TMEM74B: variants seen among roughly 807,000 people sequenced by gnomAD.
The protein encoded by TMEM74B is transmembrane protein 74B, also known as transmembrane protein C20orf46.
A neutral mutation model predicts 6.5 loss-of-function variants in TMEM74B; 7 were observed. The ratio of observed to expected loss-of-function variants is 1.07; its 90% confidence interval spans 0.61 to 2.01. The LOEUF (loss-of-function observed/expected upper bound fraction) is 2.01. Ranked by LOEUF, TMEM74B falls within the 30% of genes most tolerant of loss-of-function variation. The probability of loss-of-function intolerance (pLI) is 0.00; values close to 1 mark genes in which losing one functional copy is unlikely to be tolerated. For missense variants in TMEM74B, 342 were observed against 337.0 expected (o/e 1.01, Z -0.12); for synonymous variants, 151 against 151.6 (o/e 1.00, Z 0.03).
upstream of TMEM74B, among the ~76,000 whole-genome samples, chr20:1,187,345 C>T (rs1308038224): frequency 6.6e-6 from 1 of 152,072 alleles, no homozygotes; most frequent in Non-Finnish European, 1.5e-5. Context: ...CTGCAGTATC[C>T]CCAGACACTA....
intron 2 of TMEM74B, among the ~76,000 whole-genome samples, chr20:1,182,785 C>T (rs1040934649): frequency 2.0e-5 from 3 of 152,040 alleles, no homozygotes; most frequent in African/African-American, 4.8e-5. Flanking sequence ...ACTTACAGCC[C>T]GGGGACCATA....
chr20:1,183,675 T>G, intron 2 of TMEM74B, 96 bp downstream of exon 2: 2 of 1,478,152 alleles, frequency 1.4e-6, no homozygotes, highest in Non-Finnish European at 1.9e-6. Flanking sequence ...ACTGTCTCTA[T>G]TTCATAAAAC....
chr20:1,181,221 C>G lies in TMEM74B; in HGVS notation c.398G>C (p.Gly133Ala), dbSNP rs1241741843. The change falls in exon 3 of 3, where the codon GGG becomes GCG. Residue 133 changes from glycine to alanine, a missense_variant. Gly to Ala is a moderately conservative substitution (Grantham distance 60, BLOSUM62 0). Transcript: ENST00000429036. The surrounding 1 kb of genome is among the most constrained non-coding windows in gnomAD (Gnocchi z 4.9). ...FVSALVFLVS[G>A]ILLVVTAYAI... Reference sequence around the variant, plus strand: ...GTATGCTGTCACCACCAGAAGAATCCCACTCACCAGGAAAACGAGGGCGGA... The same window carrying G: ...GTATGCTGTCACCACCAGAAGAATCGCACTCACCAGGAAAACGAGGGCGGA... 6.2e-7 allele frequency: 1 copy of G among 1,614,158 alleles called. No individual in the cohort carries two copies. The highest frequency in any genetic ancestry group is 1.7e-5 in the Admixed American group (1 of 60,022).
Position 1,181,558 on chromosome 20 carries a change from GC to G in TMEM74B, c.60del (p.Ser22ProfsTer12). On this transcript the variant is annotated frameshift_variant, in exon 3 of 3. Transcript: ENST00000429036. LOFTEE classifies it high-confidence loss of function. The surrounding 1 kb of genome is among the most constrained non-coding windows in gnomAD (Gnocchi z 4.9). ...GGGGGAGATGCCATTGGGAAGGAGG[GC>G]CCCAGCTCATCCCTTGGCCCCTTGG... ...AAAKGPRDEL[G>X]PSFPMASPPG... The G allele has an allele frequency of 6.8e-7, 1 of 1,472,536 alleles. No homozygotes were observed. 91.2% of individuals were successfully genotyped at this position (1,472,536 alleles called of 1,614,324 possible). A position where few individuals can be genotyped will look rare whatever the true frequency, so the allele number is the denominator to read the frequency against.
Position 1,180,802 on chromosome 20 carries a change from C to T in TMEM74B, c.*46G>A, listed in dbSNP as rs1600186850. ...CAGGTGGGCGGGAGCAGGGGGTGGA[C>T]CTTGTAGCACTGGAGCTAAAGCAGC... On this transcript the variant is annotated 3_prime_UTR_variant, in exon 3 of 3. Coordinates refer to ENST00000429036, the MANE Select transcript of TMEM74B (RefSeq NM_001304748.2). This position sits in a 1 kb window ranked among gnomAD's most constrained non-coding sequence, Gnocchi z 6.1. The T allele has an allele frequency of 6.6e-7, 1 of 1,525,588 alleles. No individual in the cohort carries two copies. The highest frequency in any genetic ancestry group is 8.8e-7 in the Non-Finnish European group (1 of 1,136,016). 94.5% of individuals were successfully genotyped at this position (1,525,588 alleles called of 1,614,324 possible).
chr20:1,188,699 G>A (rs190211354), upstream of TMEM74B, among the ~76,000 whole-genome samples: 403 of 152,134 alleles, frequency 2.6e-3, 6 homozygotes, highest in African/African-American at 9.2e-3. Flanking sequence ...GGGGGTAGGA[G>A]CTAACTGAAA....
chr20:1,185,101 C>G (rs2086986774), upstream of TMEM74B: 1 of 152,234 alleles, frequency 6.6e-6, no homozygotes, highest in African/African-American at 2.4e-5. Context: ...CCCTCGGCCT[C>G]CTGCCGCCCC....
Position 1,181,101 on chromosome 20 carries a change from A to G in TMEM74B, c.518T>C (p.Leu173Pro), listed in dbSNP as rs762463685. 2 of 1,614,000 alleles carry G rather than the reference A, an allele frequency of 1.2e-6. No homozygotes were observed. Among genetic ancestry groups the G allele is most frequent in the Admixed American group, 3.3e-5 (2 of 60,020 alleles). The change falls in exon 3 of 3, where the codon CTG (leucine) becomes CCG (proline). Residue 173 changes from leucine to proline, a missense_variant. Leu to Pro is a moderately conservative substitution (Grantham distance 98, BLOSUM62 -3). Coordinates refer to ENST00000429036, the MANE Select transcript of TMEM74B (RefSeq NM_001304748.2). This position sits in a 1 kb window ranked among gnomAD's most constrained non-coding sequence, Gnocchi z 4.9. ...GAGGCCTGCGATGATGCACCTGTCC[A>G]GGTGGGAGCCTAGGCGGGCGTAGTA... ...EMYYARLGSHLDRCIIAGLGL... is the reference protein window; with the variant it reads ...EMYYARLGSHPDRCIIAGLGL...
Position 1,180,978 on chromosome 20 carries a change from T to C in TMEM74B, c.641A>G (p.Lys214Arg). 6.2e-7 allele frequency: 1 copy of C among 1,614,116 alleles called. No individual in the cohort carries two copies. ...LYRRRTFVPG[K>R]GSRKTYGSIN... ...GGAGCCGTAGGTCTTCCTGGAGCCC[T>C]TGCCGGGGACGAAGGTCCTCCGGCG... is the stretch of plus-strand genomic sequence containing the variant. The change falls in exon 3 of 3, where the codon AAG (lysine) becomes AGG (arginine). Residue 214 changes from lysine (K) to arginine (R), a missense_variant. By Grantham distance (26) the Lys-to-Arg change is conservative. Transcript: ENST00000429036. The surrounding 1 kb of genome is among the most constrained non-coding windows in gnomAD (Gnocchi z 6.1).
At chr20:1,187,847 C>T (rs1365864745), upstream of TMEM74B, among the ~76,000 whole-genome samples, 2 of 152,128 alleles carry the variant, frequency 1.3e-5, no homozygotes, top group African/African-American at 2.4e-5. Context: ...GCCTTACAGG[C>T]CAAGTAATTT....
chr20:1,181,193 G>A lies in TMEM74B; in HGVS notation c.426C>T (p.Ala142=). 6.2e-7 allele frequency: 1 copy of A among 1,614,190 alleles called. No homozygotes were observed. The highest frequency in any genetic ancestry group is 8.5e-7 in the Non-Finnish European group (1 of 1,180,036). ...GATTGACTCGAGCCTCACGGGGGATGGCGTATGCTGTCACCACCAGAAGAA... is the reference window on the plus strand; with the variant it reads ...GATTGACTCGAGCCTCACGGGGGATAGCGTATGCTGTCACCACCAGAAGAA... ...SGILLVVTAY[A]IPREARVNPD... The change falls in exon 3 of 3, where the codon GCC becomes GCT. Residue 142 remains alanine, a synonymous_variant. Transcript: ENST00000429036. The surrounding 1 kb of genome is among the most constrained non-coding windows in gnomAD (Gnocchi z 4.9).
In TMEM74B at chr20:1,181,270, G is replaced by A. The variant is rs199583973; in HGVS notation, c.349C>T (p.Arg117Cys). 49 of 1,613,684 alleles carry A rather than the reference G, an allele frequency of 3.0e-5. No individual in the cohort carries two copies. The highest frequency in any genetic ancestry group is 4.2e-6 in the Non-Finnish European group (5 of 1,179,872). Residue 117 changes from arginine (R) to cysteine (C), a missense_variant, in exon 3 of 3, where the codon CGC (arginine) becomes TGC (cysteine). Arg to Cys is a radical substitution (Grantham distance 180). Transcript: ENST00000429036. The surrounding 1 kb of genome is among the most constrained non-coding windows in gnomAD (Gnocchi z 4.9). The part of the protein sequence containing the change: ...EEGPALEPVS[R>C]PVDYGFVSAL... ...GAAACAAAGCCATAATCCACCGGGC[G>A]GCTCACGGGCTCCAGGGCTGGCCCC...
chr20:1,186,948 C>T (rs1194970991), upstream of TMEM74B, among the ~76,000 whole-genome samples: 2 of 152,218 alleles, frequency 1.3e-5, no homozygotes, highest in East Asian at 3.8e-4. Flanking sequence ...TCGGTTTCCT[C>T]CTCTGTGAAA....
rs767248813 is a variant in TMEM74B, at chr20:1,180,905, C to T, written c.714G>A (p.Leu238=). ...RQLNGDGGQA[L]VENEVVQVSE... ...AGACCTGGACAACTTCATTCTCCAC[C>T]AGGGCCTGGCCCCCATCCCCATTGA... Residue 238 remains leucine, a synonymous_variant, in exon 3 of 3, where the codon CTG becomes CTA. Coordinates refer to ENST00000429036, the MANE Select transcript of TMEM74B (RefSeq NM_001304748.2). The surrounding 1 kb of genome is among the most constrained non-coding windows in gnomAD (Gnocchi z 6.1). The T allele has an allele frequency of 1.9e-6, 3 of 1,612,590 alleles. No homozygotes were observed. The highest frequency in any genetic ancestry group is 2.5e-6 in the Non-Finnish European group (3 of 1,179,004).
chr20:1,181,742 A>G lies in TMEM74B; in HGVS notation c.32-155T>C, dbSNP rs2086876052. Among the ~76,000 whole-genome samples, 1 of 152,178 alleles carries G rather than the reference A, an allele frequency of 6.6e-6. No homozygotes were observed. The highest frequency in any genetic ancestry group is 1.5e-5 in the Non-Finnish European group (1 of 68,022). ...GGGGAAGACAGGGAATAAGACGATGACAGAACAGTGTGATCCAAGCCCAGA... is the reference window on the plus strand; with the variant it reads ...GGGGAAGACAGGGAATAAGACGATGGCAGAACAGTGTGATCCAAGCCCAGA... On this transcript the variant is annotated intron_variant, in intron 2 of 2. Coordinates refer to ENST00000429036, the MANE Select transcript of TMEM74B (RefSeq NM_001304748.2). The surrounding 1 kb of genome is among the most constrained non-coding windows in gnomAD (Gnocchi z 4.9).
intron 2 of TMEM74B, among the ~76,000 whole-genome samples, chr20:1,183,298 G>GTC (rs978236947): frequency 4.7e-5 from 7 of 149,828 alleles, no homozygotes; most frequent in Admixed American, 1.4e-4. Flanking sequence ...CTCTGTGTGT[G>GTC]TGTGTGTGTG....
In TMEM74B at chr20:1,181,154, T is replaced by C. The variant is rs1298240230; in HGVS notation, c.465A>G (p.Thr155=). The C allele has an allele frequency of 6.2e-7, 1 of 1,614,120 alleles. No individual in the cohort carries two copies. The highest frequency in any genetic ancestry group is 8.5e-7 in the Non-Finnish European group (1 of 1,180,000). ...TCTCCAGTCGTTCCATCTCCCGCGC[T>C]GTCACTGTGTCCGGATTGACTCGAG... The part of the protein sequence containing the change: ...REARVNPDTV[T]AREMERLEMY... Residue 155 remains threonine (T), a synonymous_variant, in exon 3 of 3, where the codon ACA becomes ACG. Coordinates refer to ENST00000429036, the MANE Select transcript of TMEM74B (RefSeq NM_001304748.2). This position sits in a 1 kb window ranked among gnomAD's most constrained non-coding sequence, Gnocchi z 4.9.
At chr20:1,189,232 A>C (rs1044831621), upstream of TMEM74B, 4 of 152,194 alleles carry the variant, frequency 2.6e-5, no homozygotes, top group African/African-American at 9.7e-5. The surrounding 1 kb of genome is among the most constrained non-coding windows in gnomAD (Gnocchi z 4.5). Flanking sequence ...TCTACAAAAC[A>C]TCTGACTAGT....
chr20:1,187,181 C>G (rs755901081), upstream of TMEM74B, among the ~76,000 whole-genome samples: 5 of 152,160 alleles, frequency 3.3e-5, no homozygotes, highest in South Asian at 6.2e-4. Flanking sequence ...CCAGGCCATC[C>G]TTTCAAAAAT....
Sources: gnomAD v4.1 joint callset for allele counts (sites outside exome capture counted in the v4.1 genomes callset) on GRCh38, gnomAD v4.1.1 for gene constraint, Gnocchi (gnomAD v3.1) non-coding constraint, MANE v1.5 for transcripts, NCBI Gene and HGNC (gene_info 2026-07-23, HGNC 2026-07-21) for gene names.